The following PAK1 variants were observed in gnomAD, a reference collection of about 807,000 sequenced individuals.
PAK1 encodes serine/threonine-protein kinase PAK 1.
Under a neutral mutation model 67.4 loss-of-function variants are expected in PAK1, and 29 were observed. The ratio of observed to expected loss-of-function variants is 0.43; its 90% CI spans 0.32 to 0.59. The LOEUF is 0.59. Ranked by LOEUF, PAK1 falls within the 20% of genes least tolerant of loss-of-function variation. The pLI is 0.07. For missense variants in PAK1, 337 were observed against 670.7 expected (o/e 0.50, Z 5.50); for synonymous variants, 223 against 237.4 (o/e 0.94, Z 0.56).
the PAK1 span, among the ~76,000 whole-genome samples, chr11:77,527,244 AGGTGT>A: frequency 6.6e-6 from 1 of 152,050 alleles, no homozygotes; most frequent in East Asian, 1.9e-4. Flanking sequence ...CTGGGATGAC[AGGTGT>A]GCACCATCAC....
At chr11:77,498,507 C>T in the PAK1 span, among the ~76,000 whole-genome samples, 2 of 152,022 alleles carry the variant, frequency 1.3e-5, no homozygotes, top group East Asian at 1.9e-4. Context: ...CATGGTGCCA[C>T]GGCCCACCTC....
chr11:77,347,094 G>GC, intron 9 of PAK1: 2 of 456,222 alleles, frequency 4.4e-6, no homozygotes, highest in Non-Finnish European at 8.8e-6. Flanking sequence ...GGCAGGAAAT[G>GC]AAGCCTTCCT....
intron 1 of PAK1, among the ~76,000 whole-genome samples, chr11:77,393,401 C>G (rs1343419523): frequency 6.6e-6 from 1 of 151,894 alleles, no homozygotes; most frequent in Non-Finnish European, 1.5e-5. Context: ...CTCAAGAGAT[C>G]CTCCCCACTC....
intron 1 of PAK1, among the ~76,000 whole-genome samples, chr11:77,464,319 G>A (rs1459495300): frequency 6.6e-6 from 1 of 152,130 alleles, no homozygotes; most frequent in Non-Finnish European, 1.5e-5. Flanking sequence ...CAGTTTAAAA[G>A]CATCATTTCC....
chr11:77,505,978 A>G, the PAK1 span, among the ~76,000 whole-genome samples: 1 of 152,056 alleles, frequency 6.6e-6, no homozygotes, highest in African/African-American at 2.4e-5. Context: ...GGGGAGGAAA[A>G]AGGTGGCAAG....
the PAK1 span, among the ~76,000 whole-genome samples, chr11:77,499,722 T>C: frequency 1.3e-5 from 2 of 152,190 alleles, no homozygotes; most frequent in African/African-American, 2.4e-5. Context: ...AGTCAGGGAA[T>C]GTTAATTTAG....
chr11:77,325,426 CAATATATAAAGTGCTTAGTGCCTA>C lies in PAK1; in HGVS notation c.1552-2090_1552-2067del, dbSNP rs750463852. On this transcript the variant is annotated intron_variant, in intron 14 of 14. Transcript: ENST00000356341. ...TGACTCACAGAGTTGTTGTAAAGGACAATATATAAAGTGCTTAGTGCCTAAATATATAAAGTGTTTAGTGCCTAA... is the reference window on the plus strand; with the variant it reads ...TGACTCACAGAGTTGTTGTAAAGGACAATATATAAAGTGTTTAGTGCCTAA... The C allele has an allele frequency of 6.3e-6, 10 of 1,595,864 alleles. No homozygotes were observed. The East Asian group carries it at 1.6e-4, about 25-fold the overall frequency.
At chr11:77,390,374 GTA>G (rs1199118789) in intron 2 of PAK1, among the ~76,000 whole-genome samples, 1 of 151,130 alleles carries the variant, frequency 6.6e-6, no homozygotes, top group African/African-American at 2.4e-5. Context: ...CTGATTTTTT[GTA>G]TTTTAGTAGA....
chr11:77,379,968 GC>G lies in PAK1; in HGVS notation c.216del (p.Pro73GlnfsTer71), dbSNP rs766594414. 1 of 1,613,666 alleles carries G rather than the reference GC, an allele frequency of 6.2e-7. No homozygotes were observed. Among genetic ancestry groups the G allele is most frequent in the Admixed American group, 1.7e-5 (1 of 59,996 alleles). On this transcript the variant is annotated frameshift_variant, in exon 3 of 15. Transcript: ENST00000356341. LOFTEE classifies it high-confidence loss of function. ...DKTNKKKEKE[R>X]PEISLPSDFE... ...AAATCTGAAGGGAGAGAAATCTCTG[GC>G]CGCTCTTTCTCTTTCTTTTTATTTG...
chr11:77,440,908 T>C (rs1956327192), intron 1 of PAK1, among the ~76,000 whole-genome samples: 1 of 152,016 alleles, frequency 6.6e-6, no homozygotes, highest in Admixed American at 6.5e-5. Context: ...ACCTCCTCCA[T>C]TAGTTTGTTC....
chr11:77,328,177 A>T (rs1214158796), intron 14 of PAK1, among the ~76,000 whole-genome samples: 4 of 152,202 alleles, frequency 2.6e-5, no homozygotes, highest in Non-Finnish European at 4.4e-5. Flanking sequence ...CTCCAACACA[A>T]TAATAATGGG....
Position 77,354,260 on chromosome 11 carries a change from C to G in PAK1, c.773-661G>C, listed in dbSNP as rs183152794. On this transcript the variant is annotated intron_variant, in intron 7 of 14. Coordinates refer to ENST00000356341, the MANE Select transcript of PAK1 (RefSeq NM_002576.5). ...CAGAAGGGAAGAAGATACTTCCCCC[C>G]CAAGGTCACACAGCAAATTGGTGTC... Among the ~76,000 whole-genome samples, 395 of 152,220 alleles carry G rather than the reference C, an allele frequency of 2.6e-3. 2 individuals are homozygous for G. Among genetic ancestry groups the G allele is most frequent in the African/African-American group, 8.2e-3 (342 of 41,534 alleles).
At chr11:77,500,234 C>T in the PAK1 span, among the ~76,000 whole-genome samples, 1,208 of 152,174 alleles carry the variant, frequency 7.9e-3, 14 homozygotes, top group African/African-American at 0.028. Context: ...TTTGGGAGGC[C>T]GAGGTGGGCG....
chr11:77,483,614 A>G, the PAK1 span, among the ~76,000 whole-genome samples: 9 of 152,214 alleles, frequency 5.9e-5, no homozygotes, highest in African/African-American at 2.2e-4. Context: ...CTAAAATTGC[A>G]TTGCAGTGAT....
intron 1 of PAK1, among the ~76,000 whole-genome samples, chr11:77,399,694 C>T (rs1952359809): frequency 6.6e-6 from 1 of 150,602 alleles, no homozygotes; most frequent in South Asian, 2.1e-4. Flanking sequence ...CCCGTCTCTA[C>T]TAAAAATACA....
At chr11:77,424,786 G>C (rs1955463514) in intron 1 of PAK1, among the ~76,000 whole-genome samples, 1 of 152,034 alleles carries the variant, frequency 6.6e-6, no homozygotes, top group Non-Finnish European at 1.5e-5. Context: ...GCTTGAGTAG[G>C]TCCTCCACCT....
chr11:77,323,410 C>T lies in PAK1; in HGVS notation c.1552-50G>A, dbSNP rs201080894. 2.0e-5 allele frequency: 24 copies of T among 1,210,150 alleles called. No homozygotes were observed. The East Asian group carries it at 5.1e-4, about 26-fold the overall frequency. The allele number at this position is 1,210,150 out of a possible 1,614,324, so 75.0% of individuals were successfully genotyped here. A position where few individuals can be genotyped will look rare whatever the true frequency, so the allele number is the denominator to read the frequency against. The stretch of plus-strand genomic sequence containing the variant: ...GACACATGACTATTTAACATTCTTC[C>T]CCAGTAACCATTACAAGACATAAAG... On this transcript the variant is annotated intron_variant, in intron 14 of 14. Coordinates refer to ENST00000356341, the MANE Select transcript of PAK1 (RefSeq NM_002576.5).
At chr11:77,346,299 A>G (rs1249687176) in intron 9 of PAK1, among the ~76,000 whole-genome samples, 1 of 152,152 alleles carries the variant, frequency 6.6e-6, no homozygotes, top group Admixed American at 6.5e-5. Flanking sequence ...GCTACTAACT[A>G]TGGGCTAGGC....
the PAK1 span, among the ~76,000 whole-genome samples, chr11:77,528,386 G>T: frequency 6.7e-6 from 1 of 149,562 alleles, no homozygotes. Context: ...AAGAGATGGG[G>T]TCTTCCTCTG....
Sources: allele counts gnomAD v4.1 joint callset (sites outside exome capture counted in the v4.1 genomes callset), GRCh38; gene constraint gnomAD v4.1.1; transcripts MANE v1.5; gene names NCBI Gene and HGNC (gene_info 2026-07-23, HGNC 2026-07-21).